The following PTPRG variants were observed in gnomAD, a reference collection of about 807,000 sequenced individuals.
PTPRG encodes protein tyrosine phosphatase receptor type G, also known as receptor-type tyrosine-protein phosphatase gamma.
Under a neutral mutation model 165.3 loss-of-function variants are expected in PTPRG, and 102 were observed. The ratio of observed to expected loss-of-function variants is 0.62; its 90% CI spans 0.53 to 0.73. The LOEUF (loss-of-function observed/expected upper bound fraction) is 0.73, where lower values mean the gene tolerates loss of function less well. PTPRG is among the 30% of genes least tolerant of loss of function. The pLI is 0.00. For synonymous variants in PTPRG, 675 were observed against 669.5 expected (o/e 1.01, Z -0.13); for missense variants, 1,866 against 1,861.4 (o/e 1.00, Z -0.05).
chr3:61,917,399 C>T (rs1401484274), intron 2 of PTPRG, among the ~76,000 whole-genome samples: 2 of 152,124 alleles, frequency 1.3e-5, no homozygotes, highest in Non-Finnish European at 2.9e-5. Flanking sequence ...TGCCACGTTG[C>T]CTGGCAGTTG....
At chr3:62,059,477 A>G (rs935493340) in intron 4 of PTPRG, among the ~76,000 whole-genome samples, 5 of 152,222 alleles carry the variant, frequency 3.3e-5, no homozygotes, top group African/African-American at 1.2e-4. Context: ...CTGGTATGAA[A>G]GACATTTGTT....
At chr3:62,269,720 T>G (rs907853920) in intron 20 of PTPRG, among the ~76,000 whole-genome samples, 3 of 152,136 alleles carry the variant, frequency 2.0e-5, no homozygotes, top group Non-Finnish European at 4.4e-5. Context: ...AATCACATTT[T>G]TGTGGAAATA....
intron 28 of PTPRG, among the ~76,000 whole-genome samples, chr3:62,285,396 G>A (rs1400073859): frequency 6.6e-6 from 1 of 151,988 alleles, no homozygotes; most frequent in Non-Finnish European, 1.5e-5. Context: ...CAGGCTTGGA[G>A]AGAAGGCCTG....
chr3:61,958,801 T>C (rs1023387367), intron 2 of PTPRG, among the ~76,000 whole-genome samples: 7 of 152,220 alleles, frequency 4.6e-5, no homozygotes, highest in African/African-American at 1.7e-4. Flanking sequence ...CCTAATGCCC[T>C]ATAAAAGAAC....
At chr3:62,094,865 G>A (rs1702057953) in intron 5 of PTPRG, among the ~76,000 whole-genome samples, 1 of 152,214 alleles carries the variant, frequency 6.6e-6, no homozygotes, top group African/African-American at 2.4e-5. Context: ...GCCTGGCTGT[G>A]TTCTGCCAAG....
intron 13 of PTPRG, among the ~76,000 whole-genome samples, chr3:62,220,933 C>T (rs1460585181): frequency 6.6e-6 from 1 of 152,206 alleles, no homozygotes; most frequent in East Asian, 1.9e-4. Flanking sequence ...TTGTTTCTGA[C>T]TGGCCCACCT....
chr3:61,995,378 C>CTG (rs1420820177), intron 3 of PTPRG, among the ~76,000 whole-genome samples: 3 of 152,126 alleles, frequency 2.0e-5, no homozygotes, highest in Admixed American at 2.0e-4. Flanking sequence ...GCATGAGCCA[C>CTG]TGCGCCTGGC....
intron 4 of PTPRG, among the ~76,000 whole-genome samples, chr3:62,044,668 TAATAAA>T (rs1211291374): frequency 6.6e-6 from 1 of 152,206 alleles, no homozygotes; most frequent in Admixed American, 6.5e-5. Context: ...CTGTGGCTAT[TAATAAA>T]AATAAAAATA....
intron 2 of PTPRG, among the ~76,000 whole-genome samples, chr3:61,820,115 C>T (rs1036011450): frequency 2.0e-5 from 3 of 152,020 alleles, no homozygotes; most frequent in Admixed American, 1.3e-4. Flanking sequence ...TAGGGTTCTT[C>T]AGAGGAGCAG....
At chr3:62,151,704 A>T (rs1056555265) in intron 6 of PTPRG, among the ~76,000 whole-genome samples, 1 of 151,910 alleles carries the variant, frequency 6.6e-6, no homozygotes, top group Admixed American at 6.6e-5. Context: ...CTCAACTAGT[A>T]AGTGGCTGGG....
At chr3:62,281,210 T>G (rs894148972) in intron 26 of PTPRG, among the ~76,000 whole-genome samples, 1 of 152,092 alleles carries the variant, frequency 6.6e-6, no homozygotes, top group African/African-American at 2.4e-5. Context: ...ATGTCTTGAT[T>G]GCTTAAGCAA....
At chr3:62,046,313 G>A (rs548487783) in intron 4 of PTPRG, among the ~76,000 whole-genome samples, 7 of 152,276 alleles carry the variant, frequency 4.6e-5, no homozygotes, top group African/African-American at 1.2e-4. Context: ...TTGAAGTTAC[G>A]TGTGTGGGGA....
At chr3:61,712,332 CT>C (rs11439644) in intron 1 of PTPRG, among the ~76,000 whole-genome samples, 40 of 147,626 alleles carry the variant, frequency 2.7e-4, no homozygotes, top group Non-Finnish European at 2.9e-4. Flanking sequence ...CGGCTTAAGA[CT>C]TTTTTTTTTT....
intron 1 of PTPRG, among the ~76,000 whole-genome samples, chr3:61,606,684 G>A (rs1701018075): frequency 6.6e-6 from 1 of 152,206 alleles, no homozygotes; most frequent in Non-Finnish European, 1.5e-5. Flanking sequence ...TGTCTGGCAA[G>A]GGCTACATCC....
intron 3 of PTPRG, among the ~76,000 whole-genome samples, chr3:61,998,902 A>G (rs1055201548): frequency 6.6e-6 from 1 of 152,224 alleles, no homozygotes; most frequent in Admixed American, 6.5e-5. Context: ...GGCCTAAACA[A>G]TAAACATTTC....
intron 2 of PTPRG, among the ~76,000 whole-genome samples, chr3:61,858,662 C>G (rs2037179657): frequency 6.6e-6 from 1 of 152,068 alleles, no homozygotes; most frequent in Non-Finnish European, 1.5e-5. Context: ...TTAAGAAACA[C>G]TATTATAATA....
intron 5 of PTPRG, among the ~76,000 whole-genome samples, chr3:62,099,890 C>G (rs555473846): frequency 1.6e-3 from 248 of 151,030 alleles, no homozygotes; most frequent in African/African-American, 5.7e-3. Context: ...CCTCCGCCTC[C>G]CAGGTTCAAG....
chr3:61,724,185 C>T lies in PTPRG; in HGVS notation c.86-24693C>T, dbSNP rs537451937. ...GAGCTGAGATCATGCCACTGTACTC[C>T]AGCCTGGGTGACAGAGTGAGACTCC... is the stretch of plus-strand genomic sequence containing the variant. On this transcript the variant is annotated intron_variant, in intron 1 of 29. Coordinates refer to ENST00000474889, the MANE Select transcript of PTPRG (RefSeq NM_002841.4). Among the ~76,000 whole-genome samples the T allele has an allele frequency of 1.5e-3, 205 of 137,750 alleles. 1 individual carries two copies. Among genetic ancestry groups the T allele is most frequent in the Non-Finnish European group, 2.3e-3 (152 of 66,310 alleles). The allele number at this position is 137,750 out of a possible 152,430, so 90.4% of individuals were successfully genotyped here.
chr3:61,992,073 C>T (rs1005115883), intron 3 of PTPRG, among the ~76,000 whole-genome samples: 3 of 152,136 alleles, frequency 2.0e-5, no homozygotes, highest in African/African-American at 7.2e-5. Context: ...GCACAGTGTT[C>T]TGAGAAGCAG....
Sources: allele counts gnomAD v4.1 joint callset (sites outside exome capture counted in the v4.1 genomes callset), GRCh38; gene constraint gnomAD v4.1.1; transcripts MANE v1.5; gene names NCBI Gene and HGNC (gene_info 2026-07-23, HGNC 2026-07-21).